The following GPR137C variants were observed in gnomAD, a reference collection of about 807,000 sequenced individuals.
GPR137C encodes the protein G protein-coupled receptor 137C.
Under a neutral mutation model 43.4 loss-of-function variants are expected in GPR137C, and 27 were observed. The ratio of observed to expected loss-of-function variants is 0.62; its 90% CI spans 0.46 to 0.86. The LOEUF is 0.86. Among genes scored for constraint, GPR137C ranks in the 40% least tolerant of loss-of-function variants. GPR137C has a pLI of 0.00. For synonymous variants in GPR137C, 285 were observed against 226.9 expected (o/e 1.26, Z -2.30); for missense variants, 522 against 534.6 (o/e 0.98, Z 0.23).
chr14:52,561,333 C>T (rs1407016599), intron 1 of GPR137C, among the ~76,000 whole-genome samples: 2 of 152,090 alleles, frequency 1.3e-5, no homozygotes, highest in African/African-American at 2.4e-5. Context: ...AGAAGCCAGG[C>T]GTGGTGGCAC....
At chr14:52,619,578 C>T (rs1017491990) in intron 3 of GPR137C, among the ~76,000 whole-genome samples, 3 of 152,118 alleles carry the variant, frequency 2.0e-5, no homozygotes, top group Non-Finnish European at 4.4e-5. Context: ...TTTGAAAGAT[C>T]CTTGCTTACA....
At chr14:52,620,991 T>C (rs562783220) in intron 3 of GPR137C, among the ~76,000 whole-genome samples, 5 of 151,706 alleles carry the variant, frequency 3.3e-5, no homozygotes, top group Non-Finnish European at 4.4e-5. Flanking sequence ...GGAAAAAATA[T>C]TTGAAAAAAT....
chr14:52,601,837 G>GT (rs1247263308), intron 3 of GPR137C, among the ~76,000 whole-genome samples: 2 of 151,612 alleles, frequency 1.3e-5, no homozygotes, highest in Non-Finnish European at 2.9e-5. Flanking sequence ...TCTAAGTTTG[G>GT]TTTTTTACTC....
chr14:52,561,144 AC>A (rs2038277095), intron 1 of GPR137C, among the ~76,000 whole-genome samples: 1 of 152,240 alleles, frequency 6.6e-6, no homozygotes, highest in Non-Finnish European at 1.5e-5. Context: ...ACGTTGAACT[AC>A]CACTAGACAT....
chr14:52,569,295 G>A (rs993922397), intron 1 of GPR137C, among the ~76,000 whole-genome samples: 6 of 151,802 alleles, frequency 4.0e-5, no homozygotes, highest in African/African-American at 7.3e-5. Flanking sequence ...GAGCACTGGC[G>A]TCAAAGACCA....
Position 52,620,619 on chromosome 14 carries a change from A to G in GPR137C, c.718-11541A>G, listed in dbSNP as rs780164694. Among the ~76,000 whole-genome samples the G allele has an allele frequency of 4.6e-5, 7 of 151,986 alleles. No individual in the cohort carries two copies. In the East Asian group the frequency reaches 9.6e-4, roughly 21 times the overall value. On this transcript the variant is annotated intron_variant, in intron 3 of 6. Transcript: ENST00000321662. ...AATGAAGACAACCCCACCACCACCA[A>G]GATAACCTAAATTTTGGATTTATCA...
In GPR137C at chr14:52,553,352, TGGCGGCTGCTCCTGTACCGCGAGC is replaced by T; in HGVS notation, c.214_237del (p.Leu72_Leu79del). 3.1e-6 allele frequency: 5 copies of T among 1,602,346 alleles called. No individual in the cohort carries two copies. The highest frequency in any genetic ancestry group is 3.4e-6 in the Non-Finnish European group (4 of 1,178,424). ...GTTCGCCTTTGCCTACCTGCAGCTGTGGCGGCTGCTCCTGTACCGCGAGCGGCGGCTGAGTTACCAGAGCCTCTG... is the reference window on the plus strand; with the variant it reads ...GTTCGCCTTTGCCTACCTGCAGCTGTGGCGGCTGAGTTACCAGAGCCTCTG... On this transcript the variant is annotated inframe_deletion, in exon 1 of 7. Transcript: ENST00000321662.
chr14:52,555,956 A>T (rs78970159), intron 1 of GPR137C, among the ~76,000 whole-genome samples: 1 of 152,184 alleles, frequency 6.6e-6, no homozygotes, highest in South Asian at 2.1e-4. Flanking sequence ...TCAAATTTTT[A>T]TGTCAGTTCC....
intron 1 of GPR137C, among the ~76,000 whole-genome samples, chr14:52,570,645 G>A (rs1380694976): frequency 6.6e-6 from 1 of 152,206 alleles, no homozygotes; most frequent in East Asian, 1.9e-4. Flanking sequence ...TAAAGGGATG[G>A]AGGAATATTT....
chr14:52,571,337 G>T (rs1379754336), intron 1 of GPR137C, among the ~76,000 whole-genome samples: 2 of 152,200 alleles, frequency 1.3e-5, no homozygotes, highest in Non-Finnish European at 2.9e-5. Flanking sequence ...AGCTAAAGCA[G>T]TGTTTAGAGG....
In GPR137C at chr14:52,637,534, G is replaced by C. The variant is rs568234551; in HGVS notation, c.*2419G>C. ...AGTTTTATGGAAAATGTAATTTATA[G>C]CTAAAGTGGCTTTTTTATGCATAGC... On this transcript the variant is annotated 3_prime_UTR_variant, in exon 7 of 7. Coordinates refer to ENST00000321662, the MANE Select transcript of GPR137C (RefSeq NM_001099652.2). 1 of 152,116 alleles carries C rather than the reference G, an allele frequency of 6.6e-6. No homozygotes were observed. Among genetic ancestry groups the C allele is most frequent in the Non-Finnish European group, 1.5e-5 (1 of 68,006 alleles). 9.4% of individuals were successfully genotyped at this position (152,116 alleles called of 1,614,324 possible).
At chr14:52,609,743 G>C (rs59752705) in intron 3 of GPR137C, among the ~76,000 whole-genome samples, 1 of 152,196 alleles carries the variant, frequency 6.6e-6, no homozygotes, top group African/African-American at 2.4e-5. Context: ...GGGCTGGGTG[G>C]GAATGCTGGC....
chr14:52,623,788 A>G (rs561164971), intron 3 of GPR137C, among the ~76,000 whole-genome samples: 1 of 152,298 alleles, frequency 6.6e-6, no homozygotes, highest in East Asian at 1.9e-4. Context: ...TCAGCATCTT[A>G]GAGGTAAACA....
intron 1 of GPR137C, among the ~76,000 whole-genome samples, chr14:52,585,963 T>C (rs1158260834): frequency 6.6e-6 from 1 of 152,130 alleles, no homozygotes; most frequent in African/African-American, 2.4e-5. Context: ...CCCAAATTCA[T>C]AGGGCAGCAC....
Position 52,553,182 on chromosome 14 carries a change from C to T in GPR137C, c.35C>T (p.Ala12Val). The change falls in exon 1 of 7, where the codon GCC becomes GTC. Residue 12 changes from alanine (A) to valine (V), a missense_variant. Physicochemically the swap from Ala to Val is moderately conservative, Grantham distance 64. This residue lies in a region of GPR137C where 437 missense variants were observed against 425.7 expected (regional missense o/e 1.03). Transcript: ENST00000321662. ...TCCGTGCCGGGTCCGGCGGCCGCTG[C>T]CGCCCCCGCAGCCGGCCGCGAGCCC... is the stretch of plus-strand genomic sequence containing the variant. ...RVSVPGPAAA[A>V]APAAGREPST... is the part of the protein sequence containing the mutation. 1 of 1,195,378 alleles carries T rather than the reference C, an allele frequency of 8.4e-7. No homozygotes were observed. Among genetic ancestry groups the T allele is most frequent in the Non-Finnish European group, 1.0e-6 (1 of 966,056 alleles). 74.0% of individuals were successfully genotyped at this position (1,195,378 alleles called of 1,614,324 possible).
chr14:52,556,165 G>A (rs1221844466), intron 1 of GPR137C, among the ~76,000 whole-genome samples: 2 of 152,042 alleles, frequency 1.3e-5, no homozygotes, highest in Non-Finnish European at 2.9e-5. Flanking sequence ...AACTCACTCT[G>A]TCTTTGCTGT....
chr14:52,592,593 A>G (rs1201693168), intron 1 of GPR137C, among the ~76,000 whole-genome samples: 1 of 152,152 alleles, frequency 6.6e-6, no homozygotes, highest in African/African-American at 2.4e-5. Flanking sequence ...CTTTGTAACA[A>G]TTGTGAATGG....
intron 1 of GPR137C, among the ~76,000 whole-genome samples, chr14:52,561,164 A>G (rs1024452861): frequency 2.0e-5 from 3 of 152,250 alleles, no homozygotes; most frequent in African/African-American, 7.2e-5. Flanking sequence ...ATTGATTAGC[A>G]GGACTAAAAT....
intron 1 of GPR137C, among the ~76,000 whole-genome samples, chr14:52,577,514 GCGCA>G (rs1329083154): frequency 2.5e-5 from 3 of 118,554 alleles, no homozygotes; most frequent in East Asian, 3.0e-4. Flanking sequence ...GTGCGCGCGC[GCGCA>G]CACACACACA....
Sources: gnomAD v4.1 joint callset for allele counts (sites outside exome capture counted in the v4.1 genomes callset) on GRCh38, gnomAD v4.1.1 for gene constraint, gnomAD v4.1.1 regional missense constraint, MANE v1.5 for transcripts, NCBI Gene and HGNC (gene_info 2026-07-23, HGNC 2026-07-21) for gene names.